PALS1: variants seen among roughly 807,000 people sequenced by gnomAD.
PALS1 encodes the protein protein PALS1.
Under a neutral mutation model 78.9 loss-of-function variants are expected in PALS1, and 31 were observed. The observed-to-expected ratio is 0.39, with a 90% CI of 0.30 to 0.53. The LOEUF (loss-of-function observed/expected upper bound fraction) is 0.53, where lower values mean the gene tolerates loss of function less well. Among genes scored for constraint, PALS1 ranks in the 20% least tolerant of loss-of-function variants. The pLI, the probability that PALS1 is intolerant of heterozygous loss-of-function variation, is 0.67. For missense variants in PALS1, 704 were observed against 826.5 expected (o/e 0.85, Z 1.82); for synonymous variants, 276 against 270.9 (o/e 1.02, Z -0.18).
chr14:67,280,853 T>TTCCCTCCCTCCCTCCCTCCC (rs71446332), intron 3 of PALS1, among the ~76,000 whole-genome samples: 2 of 77,608 alleles, frequency 2.6e-5, no homozygotes, highest in African/African-American at 2.0e-4. Flanking sequence ...CCTTCCTTCC[T>TTCCCTCCCTCCCTCCCTCCC]TCCCTCCCTC....
intron 14 of PALS1, among the ~76,000 whole-genome samples, chr14:67,326,259 T>TTTTTTTTTTTTTTTGGGG (rs2085356808): frequency 8.1e-6 from 1 of 122,984 alleles, no homozygotes; most frequent in African/African-American, 3.3e-5. Flanking sequence ...TTTTTTTTTT[T>TTTTTTTTTTTTTTTGGGG]GAGAGGAGAT....
At chr14:67,280,651 C>T (rs1036967591) in intron 3 of PALS1, among the ~76,000 whole-genome samples, 6 of 152,246 alleles carry the variant, frequency 3.9e-5, no homozygotes, top group African/African-American at 9.6e-5. Context: ...GAATGGAAAC[C>T]GGTATCCAGC....
At chr14:67,242,914 A>G (rs573777785) in intron 1 of PALS1, among the ~76,000 whole-genome samples, 1 of 152,320 alleles carries the variant, frequency 6.6e-6, no homozygotes, top group South Asian at 2.1e-4. Flanking sequence ...TATAAGTTCT[A>G]CTTGAGGGTG....
At chr14:67,285,737 C>A (rs1453481389) in intron 3 of PALS1, among the ~76,000 whole-genome samples, 1 of 152,070 alleles carries the variant, frequency 6.6e-6, no homozygotes. Flanking sequence ...GAGTTCTAGG[C>A]ATTGGAAAGT....
chr14:67,250,351 G>T (rs2084047977), intron 1 of PALS1, among the ~76,000 whole-genome samples: 1 of 152,126 alleles, frequency 6.6e-6, no homozygotes, highest in Admixed American at 6.5e-5. Context: ...TTTATGCTCA[G>T]AAGTACTAGA....
chr14:67,288,768 A>G (rs2084728236), intron 3 of PALS1, among the ~76,000 whole-genome samples: 1 of 152,032 alleles, frequency 6.6e-6, no homozygotes, highest in African/African-American at 2.4e-5. Context: ...TATTCTTAAT[A>G]TTAGCTTATG....
intron 4 of PALS1, chr14:67,294,568 TATA>T (rs1456575272): frequency 6.6e-6 from 1 of 152,124 alleles, no homozygotes; most frequent in African/African-American, 2.4e-5. Flanking sequence ...TTAGGTATCA[TATA>T]ATAATAAAGC....
intron 3 of PALS1, among the ~76,000 whole-genome samples, chr14:67,291,383 G>A (rs1247804653): frequency 6.6e-6 from 1 of 151,918 alleles, no homozygotes; most frequent in Non-Finnish European, 1.5e-5. Context: ...GCCTGCCACT[G>A]TGCAGGGTTC....
chr14:67,285,960 TTCTC>T (rs1294784025), intron 3 of PALS1, among the ~76,000 whole-genome samples: 1 of 152,210 alleles, frequency 6.6e-6, no homozygotes, highest in Non-Finnish European at 1.5e-5. Flanking sequence ...GAATAATATA[TTCTC>T]TCTTTTAAAT....
At chr14:67,259,301 A>G (rs1008229614) in intron 1 of PALS1, among the ~76,000 whole-genome samples, 11 of 151,896 alleles carry the variant, frequency 7.2e-5, no homozygotes, top group African/African-American at 2.7e-4. Flanking sequence ...GTAAAAAATA[A>G]TGGACTACTT....
rs1335577750 is a variant in PALS1 at position 67,334,303 on chromosome 14, A to ATAAT, written c.*1349_*1352dup. The ATAAT allele has an allele frequency of 6.6e-6, 1 of 152,662 alleles. No individual in the cohort carries two copies. Among genetic ancestry groups the ATAAT allele is most frequent in the African/African-American group, 2.4e-5 (1 of 41,470 alleles). 9.5% of individuals were successfully genotyped at this position (152,662 alleles called of 1,614,324 possible). ...GCTGTAGCTTTAAAATTCAACGTAT[A>ATAAT]TAATTGGCATGGAAACTTAATTTGC... is the stretch of plus-strand genomic sequence containing the variant. On this transcript the variant is annotated 3_prime_UTR_variant, in exon 15 of 15. Coordinates refer to ENST00000261681, the MANE Select transcript of PALS1 (RefSeq NM_022474.4).
At chr14:67,273,585 G>A (rs1428568342) in intron 2 of PALS1, among the ~76,000 whole-genome samples, 1 of 152,164 alleles carries the variant, frequency 6.6e-6, no homozygotes. Context: ...GTCAACATAT[G>A]TGTGCATGTG....
At chr14:67,302,153 A>AT in intron 6 of PALS1, 35 bp downstream of exon 6, 1 of 1,559,660 alleles carries the variant, frequency 6.4e-7, no homozygotes, top group South Asian at 1.2e-5. Context: ...AAACAAGTGC[A>AT]TTTTTCTGCT....
intron 2 of PALS1, among the ~76,000 whole-genome samples, chr14:67,277,438 G>T (rs1430256273): frequency 1.3e-5 from 2 of 152,168 alleles, no homozygotes; most frequent in Admixed American, 1.3e-4. Flanking sequence ...TTTGCATTAT[G>T]ACCCAAGATG....
In PALS1 at chr14:67,321,094, T is replaced by C. The variant is rs2085256301; in HGVS notation, c.1575T>C (p.Gly525=). 10 of 1,614,100 alleles carry C rather than the reference T, an allele frequency of 6.2e-6. No individual in the cohort carries two copies. The highest frequency in any genetic ancestry group is 8.5e-6 in the Non-Finnish European group (10 of 1,179,976). The change falls in exon 13 of 15, where the codon GGT becomes GGC. Residue 525 remains glycine (G), a synonymous_variant. Transcript: ENST00000261681. ...TRSRRDQEVA[G]RDYHFVSRQA... ...GTAGGCGAGACCAAGAAGTAGCCGG[T>C]AGAGATTACCACTTTGTTTCGCGGC...
chr14:67,247,354 T>C (rs559914802), intron 1 of PALS1, among the ~76,000 whole-genome samples: 2 of 152,218 alleles, frequency 1.3e-5, no homozygotes, highest in African/African-American at 2.4e-5. Flanking sequence ...TTTTTGTATA[T>C]TGACTTTGTA....
chr14:67,323,154 A>G (rs2085287175), intron 13 of PALS1, among the ~76,000 whole-genome samples: 1 of 151,898 alleles, frequency 6.6e-6, no homozygotes, highest in Non-Finnish European at 1.5e-5. Context: ...ATTTCATTAC[A>G]TAAAAGAGCA....
At chr14:67,246,862 G>A (rs1487235602) in intron 1 of PALS1, among the ~76,000 whole-genome samples, 1 of 152,032 alleles carries the variant, frequency 6.6e-6, no homozygotes, top group Non-Finnish European at 1.5e-5. Flanking sequence ...GTGTTGGCCA[G>A]GATGGTCTTG....
At chr14:67,309,229 C>G (rs1050120582) in intron 8 of PALS1, among the ~76,000 whole-genome samples, 6 of 151,912 alleles carry the variant, frequency 3.9e-5, no homozygotes, top group African/African-American at 1.5e-4. Context: ...GTATGAGAAA[C>G]AAAATAATTT....
Sources: allele counts gnomAD v4.1 joint callset (sites outside exome capture counted in the v4.1 genomes callset), GRCh38; gene constraint gnomAD v4.1.1; transcripts MANE v1.5; gene names NCBI Gene and HGNC (gene_info 2026-07-23, HGNC 2026-07-21).